The following KCNN2 variants were observed in gnomAD, a reference collection of about 807,000 sequenced individuals.
KCNN2 encodes the protein potassium calcium-activated channel subfamily N member 2.
In KCNN2, 24 loss-of-function variants were observed where a neutral mutation model predicts 55.5. The ratio of observed to expected loss-of-function variants is 0.43; its 90% CI spans 0.31 to 0.61. The LOEUF (loss-of-function observed/expected upper bound fraction) is 0.61. Ranked by LOEUF, KCNN2 falls within the 20% of genes least tolerant of loss-of-function variation. The probability of loss-of-function intolerance (pLI) is 0.08; values close to 1 mark genes in which losing one functional copy is unlikely to be tolerated. For missense variants in KCNN2, 754 were observed against 853.6 expected (o/e 0.88, Z 1.45); for synonymous variants, 431 against 336.1 (o/e 1.28, Z -3.09).
intron 1 of KCNN2, among the ~76,000 whole-genome samples, chr5:114,219,630 A>C (rs1754089170): frequency 6.6e-6 from 1 of 151,902 alleles, no homozygotes; most frequent in South Asian, 2.1e-4. Flanking sequence ...TGGGGCAGGG[A>C]GGGGCCATAT....
chr5:114,237,319 A>T (rs1039665672), intron 2 of KCNN2, among the ~76,000 whole-genome samples: 2 of 42,536 alleles, frequency 4.7e-5, no homozygotes, highest in Non-Finnish European at 8.6e-5. Flanking sequence ...CACCCCACAG[A>T]AAAAAAAAAT....
At chr5:114,127,397 G>T (rs1751960668) in intron 1 of KCNN2, among the ~76,000 whole-genome samples, 1 of 152,152 alleles carries the variant, frequency 6.6e-6, no homozygotes, top group Non-Finnish European at 1.5e-5. Context: ...TATACCTGCA[G>T]GCTCAACAAC....
intron 1 of KCNN2, among the ~76,000 whole-genome samples, chr5:114,144,473 G>A (rs1194648087): frequency 6.6e-6 from 1 of 152,054 alleles, no homozygotes; most frequent in East Asian, 1.9e-4. Flanking sequence ...TGCAATTAAT[G>A]TAAAAATAAA....
At chr5:114,455,137 G>T (rs1335114177) in intron 3 of KCNN2, among the ~76,000 whole-genome samples, 2 of 151,800 alleles carry the variant, frequency 1.3e-5, no homozygotes, top group Non-Finnish European at 2.9e-5. Context: ...TCATTTTATT[G>T]TGCTTCACTT....
chr5:114,251,332 A>G (rs1754855589), intron 2 of KCNN2, among the ~76,000 whole-genome samples: 1 of 152,224 alleles, frequency 6.6e-6, no homozygotes, highest in Non-Finnish European at 1.5e-5. Flanking sequence ...AAGGCTTTCA[A>G]AGTAGAGCTT....
At chr5:114,442,120 A>G (rs1424217581) in intron 3 of KCNN2, among the ~76,000 whole-genome samples, 1 of 152,144 alleles carries the variant, frequency 6.6e-6, no homozygotes, top group Admixed American at 6.5e-5. Flanking sequence ...GTTCCTGGTT[A>G]GGAACAGGAT....
intron 2 of KCNN2, among the ~76,000 whole-genome samples, chr5:114,383,437 A>G (rs1758186169): frequency 6.7e-6 from 1 of 149,892 alleles, no homozygotes; most frequent in Non-Finnish European, 1.5e-5. Flanking sequence ...GGAAGATGCT[A>G]GAAGACATAC....
chr5:114,401,724 G>C (rs1011207268), intron 2 of KCNN2, among the ~76,000 whole-genome samples: 1 of 152,160 alleles, frequency 6.6e-6, no homozygotes, highest in Non-Finnish European at 1.5e-5. Context: ...GCTAGATGGA[G>C]ACTTTCCAGG....
At chr5:114,165,280 C>G (rs112395845) in intron 1 of KCNN2, among the ~76,000 whole-genome samples, 220 of 152,290 alleles carry the variant, frequency 1.4e-3, no homozygotes, top group Non-Finnish European at 2.5e-3. Context: ...ACAGATCCCT[C>G]CTCTTCCTCT....
At chr5:114,341,041 T>C (rs1757005971) in intron 2 of KCNN2, among the ~76,000 whole-genome samples, 1 of 152,230 alleles carries the variant, frequency 6.6e-6, no homozygotes, top group South Asian at 2.1e-4. Flanking sequence ...GAATATAATA[T>C]TTCATCGTCT....
In KCNN2 at chr5:114,259,641, C is replaced by G. The variant is rs192378408; in HGVS notation, c.-185+38076C>G. ...TAATAATAATAAAAAAAAAAGTCCT[C>G]AAATCACAGCTTACACCAGTGTTTG... On this transcript the variant is annotated intron_variant, in intron 2 of 10. Transcript: ENST00000512097. Among the ~76,000 whole-genome samples the G allele has an allele frequency of 8.5e-5, 13 of 152,196 alleles. No homozygotes were observed. In the South Asian group the frequency reaches 2.5e-3, roughly 29 times the overall value.
At chr5:114,435,355 C>A (rs1276552653) in intron 3 of KCNN2, among the ~76,000 whole-genome samples, 1 of 152,104 alleles carries the variant, frequency 6.6e-6, no homozygotes, top group Non-Finnish European at 1.5e-5. Flanking sequence ...GACCTTAATT[C>A]TCTGCTAGAT....
chr5:114,097,566 C>T lies in KCNN2; in HGVS notation c.-271+41066C>T, dbSNP rs563078207. Among the ~76,000 whole-genome samples, 8 of 152,106 alleles carry T rather than the reference C, an allele frequency of 5.3e-5. No individual in the cohort carries two copies. The South Asian group carries it at 1.0e-3, about 20-fold the overall frequency. On this transcript the variant is annotated intron_variant, in intron 1 of 10. Transcript: ENST00000512097. ...GTCAAAATATTAAAATGCTGTCTCT[C>T]GCCACTTCCTGCCCAGTCCTGCCGC...
intron 2 of KCNN2, among the ~76,000 whole-genome samples, chr5:114,273,995 C>T (rs932583617): frequency 3.9e-5 from 6 of 152,128 alleles, no homozygotes; most frequent in African/African-American, 1.4e-4. Flanking sequence ...AGTCTTTAAT[C>T]CATCTTGAGT....
intron 1 of KCNN2, among the ~76,000 whole-genome samples, chr5:114,148,089 G>A (rs35411745): frequency 4.6e-5 from 7 of 152,254 alleles, no homozygotes; most frequent in African/African-American, 1.4e-4. Context: ...CATTCCTTGA[G>A]GTAAAACTTT....
intron 5 of KCNN2, among the ~76,000 whole-genome samples, chr5:114,481,535 A>T (rs1762226140): frequency 6.6e-6 from 1 of 152,244 alleles, no homozygotes; most frequent in Non-Finnish European, 1.5e-5. Context: ...AGAATTAGAA[A>T]AAAAACTATT....
intron 2 of KCNN2, among the ~76,000 whole-genome samples, chr5:114,344,840 C>A (rs1009975781): frequency 3.0e-4 from 45 of 152,160 alleles, no homozygotes; most frequent in African/African-American, 1.1e-3. Flanking sequence ...AATTACAGCC[C>A]ATTTAATTTT....
chr5:114,286,245 C>A (rs1755747304), intron 2 of KCNN2, among the ~76,000 whole-genome samples: 1 of 152,028 alleles, frequency 6.6e-6, no homozygotes, highest in Admixed American at 6.6e-5. Context: ...ACCAATGCAG[C>A]TAAAAATTAT....
chr5:114,065,066 G>C lies in KCNN2; in HGVS notation c.-271+8566G>C, dbSNP rs537089553. Among the ~76,000 whole-genome samples, 19 of 152,278 alleles carry C rather than the reference G, an allele frequency of 1.2e-4. No individual in the cohort carries two copies. In the East Asian group the frequency reaches 3.7e-3, roughly 29 times the overall value. ...TGGCTACTGTTAAATAACAAGCTGGGATGGATACACTATGTCACACTACAA... is the reference window on the plus strand; with the variant it reads ...TGGCTACTGTTAAATAACAAGCTGGCATGGATACACTATGTCACACTACAA... On this transcript the variant is annotated intron_variant, in intron 1 of 10. Coordinates refer to the KCNN2 transcript ENST00000512097.
Sources: allele counts gnomAD v4.1 joint callset (sites outside exome capture counted in the v4.1 genomes callset), GRCh38; gene constraint gnomAD v4.1.1; transcripts MANE v1.5; gene names NCBI Gene and HGNC (gene_info 2026-07-23, HGNC 2026-07-21).